The following SOX6 variants were observed in gnomAD, a reference collection of about 807,000 sequenced individuals.
SOX6 encodes the protein SRY-box transcription factor 6, also known as transcription factor SOX-6.
In SOX6, 11 loss-of-function variants were observed where a neutral mutation model predicts 97.8. The ratio of observed to expected loss-of-function variants is 0.11; its 90% CI spans 0.07 to 0.19. The LOEUF (loss-of-function observed/expected upper bound fraction) is 0.19. Among genes scored for constraint, SOX6 ranks in the 10% least tolerant of loss-of-function variants. The pLI is 1.00. For synonymous variants in SOX6, 360 were observed against 371.4 expected (o/e 0.97, Z 0.35); for missense variants, 810 against 1,039.5 (o/e 0.78, Z 3.04).
intron 15 of SOX6, among the ~76,000 whole-genome samples, chr11:15,985,419 A>G (rs1036181087): frequency 7.9e-5 from 12 of 152,080 alleles, no homozygotes; most frequent in African/African-American, 2.9e-4. Context: ...CAGCTGCTTC[A>G]GGTCTGTGCC....
intron 1 of SOX6, among the ~76,000 whole-genome samples, chr11:16,458,360 A>G (rs1050785265): frequency 1.6e-4 from 25 of 152,086 alleles, no homozygotes; most frequent in Non-Finnish European, 3.4e-4. Flanking sequence ...AAATGTTGCA[A>G]TAAAAGTATG....
chr11:16,280,001 C>T (rs779169392), intron 3 of SOX6, among the ~76,000 whole-genome samples: 14 of 152,028 alleles, frequency 9.2e-5, no homozygotes, highest in Non-Finnish European at 1.5e-4. Flanking sequence ...TCAGTCCACA[C>T]GTCATTTGAA....
intron 4 of SOX6, among the ~76,000 whole-genome samples, chr11:16,586,773 C>T (rs10741701): frequency 0.98 from 149,117 of 152,330 alleles, 73,078 homozygotes; most frequent in East Asian, 1. Flanking sequence ...AAATGAATTA[C>T]CTAACTGGTC....
At chr11:16,646,000 G>T (rs529549463) in intron 3 of SOX6, 1 of 152,048 alleles carries the variant, frequency 6.6e-6, no homozygotes, top group Non-Finnish European at 1.5e-5. Flanking sequence ...TCTGTGTGTT[G>T]GCTGTGACTC....
chr11:16,517,027 C>T (rs7123977), intron 4 of SOX6, among the ~76,000 whole-genome samples: 5,355 of 109,874 alleles, frequency 0.049, 291 homozygotes, highest in African/African-American at 0.16. Flanking sequence ...GTTCAATATA[C>T]GCAAATCAAT....
intron 4 of SOX6, among the ~76,000 whole-genome samples, chr11:16,211,210 C>T (rs1296966618): frequency 6.6e-6 from 1 of 152,062 alleles, no homozygotes; most frequent in Non-Finnish European, 1.5e-5. Flanking sequence ...CCATCATAAG[C>T]ACTCTGGCCT....
At chr11:16,377,975 G>A (rs1212339797) in intron 1 of SOX6, among the ~76,000 whole-genome samples, 1 of 152,078 alleles carries the variant, frequency 6.6e-6, no homozygotes, top group Non-Finnish European at 1.5e-5. Flanking sequence ...TTGGCAAAGT[G>A]TATCAAAACC....
At chr11:15,984,847 G>A (rs986428662) in intron 15 of SOX6, among the ~76,000 whole-genome samples, 1 of 152,144 alleles carries the variant, frequency 6.6e-6, no homozygotes, top group African/African-American at 2.4e-5. Context: ...AAATAGTAAT[G>A]ATAATGCTAG....
chr11:16,005,627 A>C (rs1854528194), intron 13 of SOX6, among the ~76,000 whole-genome samples: 1 of 152,008 alleles, frequency 6.6e-6, no homozygotes, highest in Admixed American at 6.6e-5. Context: ...TGTAGGATCA[A>C]CCTTCCCACA....
chr11:16,132,434 A>AAAG (rs1849822759), intron 6 of SOX6, among the ~76,000 whole-genome samples: 6 of 93,288 alleles, frequency 6.4e-5, no homozygotes, highest in Admixed American at 1.3e-4. Context: ...AGAAAGAAAG[A>AAAG]AAGAAAGAAA....
intron 1 of SOX6, among the ~76,000 whole-genome samples, chr11:16,434,616 T>C (rs2133079394): frequency 6.6e-6 from 1 of 152,302 alleles, no homozygotes; most frequent in East Asian, 1.9e-4. Context: ...CTGTCTCATC[T>C]TCCTCTCCAG....
At chr11:15,978,775 A>G (rs1463551421) in intron 15 of SOX6, among the ~76,000 whole-genome samples, 1 of 139,710 alleles carries the variant, frequency 7.2e-6, no homozygotes, top group Admixed American at 7.3e-5. Flanking sequence ...ATTTAGGAGC[A>G]AAGGGCTCAC....
At chr11:16,223,199 T>C (rs1852593545) in intron 4 of SOX6, among the ~76,000 whole-genome samples, 1 of 152,106 alleles carries the variant, frequency 6.6e-6, no homozygotes, top group Non-Finnish European at 1.5e-5. Flanking sequence ...ATCATTCAGG[T>C]AATACAGAGA....
intron 6 of SOX6, among the ~76,000 whole-genome samples, chr11:16,148,551 G>A (rs763834511): frequency 1.3e-5 from 2 of 152,142 alleles, no homozygotes; most frequent in African/African-American, 2.4e-5. Flanking sequence ...GCCATTCATT[G>A]TGTTCCCCTG....
At chr11:16,698,755 G>A (rs1334195684) in intron 3 of SOX6, among the ~76,000 whole-genome samples, 1 of 152,140 alleles carries the variant, frequency 6.6e-6, no homozygotes, top group Non-Finnish European at 1.5e-5. Flanking sequence ...AGAGGACTGA[G>A]GAGAGGGAGA....
intron 3 of SOX6, among the ~76,000 whole-genome samples, chr11:16,625,289 T>C (rs1042519304): frequency 6.7e-6 from 1 of 150,368 alleles, no homozygotes; most frequent in Non-Finnish European, 1.5e-5. Flanking sequence ...TAAAAGACTT[T>C]ACATTAAAGT....
chr11:16,083,052 C>T (rs1848504440), intron 9 of SOX6, among the ~76,000 whole-genome samples: 2 of 152,170 alleles, frequency 1.3e-5, no homozygotes, highest in Admixed American at 1.3e-4. Flanking sequence ...TCCCCATAAA[C>T]CTGGGGAACT....
intron 1 of SOX6, among the ~76,000 whole-genome samples, chr11:16,432,257 A>G (rs541856586): frequency 5.3e-5 from 8 of 152,234 alleles, no homozygotes; most frequent in Middle Eastern, 3.4e-3. Context: ...AAGTAGGAAC[A>G]ATGAAAAGAC....
chr11:15,973,228 A>G, intron 15 of SOX6, 116 bp from the exon 16 acceptor site: 1 of 988,736 alleles, frequency 1.0e-6, no homozygotes, highest in Non-Finnish European at 1.5e-6. Flanking sequence ...TAAATGTTAA[A>G]TAACATTCTA....
Sources: allele counts gnomAD v4.1 joint callset (sites outside exome capture counted in the v4.1 genomes callset), GRCh38; gene constraint gnomAD v4.1.1; transcripts MANE v1.5; gene names NCBI Gene and HGNC (gene_info 2026-07-23, HGNC 2026-07-21).